GRIP1: variants seen among roughly 807,000 people sequenced by gnomAD.
GRIP1 encodes glutamate receptor-interacting protein 1.
Under a neutral mutation model 129.9 loss-of-function variants are expected in GRIP1, and 45 were observed. The observed-to-expected ratio is 0.35, with a 90% CI of 0.27 to 0.44. GRIP1 has a LOEUF of 0.44. Among genes scored for constraint, GRIP1 ranks in the 20% least tolerant of loss-of-function variants. The pLI is 1.00. For missense variants in GRIP1, 1,196 were observed against 1,396.8 expected, an observed-to-expected ratio of 0.86 and a Z score of 2.29; for synonymous variants, 530 against 520.8, an observed-to-expected ratio of 1.02 and a Z score of -0.24.
rs757132065 is a variant in GRIP1, at chr12:66,349,048, C to T, written c.3358G>A (p.Glu1120Lys). Reference sequence around the variant, plus strand: ...AATGTATTAGTGGGTTCTCGTGTCTCCAAATTACCACCGTGGCTAGGCTGC... The same window carrying T: ...AATGTATTAGTGGGTTCTCGTGTCTTCAAATTACCACCGTGGCTAGGCTGC... ...FQQPSHGGNL[E>K]TREPTNTL Residue 1120 changes from glutamate to lysine, a missense_variant, in exon 25 of 25, where the codon GAG becomes AAG. Around this residue, in one of 5 missense-constraint regions of GRIP1, gnomAD observed 427 missense variants for 463.3 expected, o/e 0.92. Coordinates refer to ENST00000359742, the MANE Select transcript of GRIP1 (RefSeq NM_001366722.1). The T allele has an allele frequency of 6.2e-6, 10 of 1,613,708 alleles. No homozygotes were observed. In the South Asian group the frequency reaches 1.1e-4, roughly 18 times the overall value.
intron 1 of GRIP1, among the ~76,000 whole-genome samples, chr12:66,704,243 A>C (rs1381566564): frequency 6.6e-6 from 1 of 152,134 alleles, no homozygotes; most frequent in Non-Finnish European, 1.5e-5. Flanking sequence ...TTAGGTGAAC[A>C]TATCATCTTT....
At chr12:66,858,597 C>G (rs2040047459) in intron 1 of GRIP1, among the ~76,000 whole-genome samples, 1 of 151,824 alleles carries the variant, frequency 6.6e-6, no homozygotes, top group Non-Finnish European at 1.5e-5. Flanking sequence ...AAGGGTAAAA[C>G]TTTAAGTGGT....
intron 1 of GRIP1, among the ~76,000 whole-genome samples, chr12:66,793,842 G>T (rs1026945226): frequency 5.3e-5 from 8 of 152,120 alleles, no homozygotes; most frequent in Non-Finnish European, 1.2e-4. Flanking sequence ...GTAACATTGA[G>T]AAAATTAAGC....
chr12:67,056,972 G>A (rs1472051093), intron 1 of GRIP1, among the ~76,000 whole-genome samples: 1 of 151,982 alleles, frequency 6.6e-6, no homozygotes, highest in Non-Finnish European at 1.5e-5. Flanking sequence ...CACCACGCCT[G>A]GCTAATTTTT....
At chr12:66,709,667 A>C (rs1427961401) in intron 1 of GRIP1, among the ~76,000 whole-genome samples, 5 of 151,930 alleles carry the variant, frequency 3.3e-5, no homozygotes, top group Admixed American at 6.6e-5. Context: ...ACAAGACAAC[A>C]CATGTGCCTT....
chr12:67,037,358 A>ATAATAATAATAATAATAC (rs1450620517), intron 1 of GRIP1: 3 of 148,652 alleles, frequency 2.0e-5, no homozygotes, highest in South Asian at 2.1e-4. Context: ...AATAATAATA[A>ATAATAATAATAATAATAC]TACTTAAATA....
At chr12:66,521,044 G>A (rs2060986189) in intron 5 of GRIP1, among the ~76,000 whole-genome samples, 1 of 152,130 alleles carries the variant, frequency 6.6e-6, no homozygotes, top group Non-Finnish European at 1.5e-5. Context: ...GGGCTCTGTT[G>A]CTCCACCTAA....
At chr12:66,825,227 G>C (rs2039388672) in intron 1 of GRIP1, among the ~76,000 whole-genome samples, 1 of 152,212 alleles carries the variant, frequency 6.6e-6, no homozygotes, top group Admixed American at 6.5e-5. Flanking sequence ...AAATTTTAAA[G>C]TAGTTAGTTT....
chr12:66,926,801 C>T lies in GRIP1; in HGVS notation c.58+142249G>A, dbSNP rs114106493. On this transcript the variant is annotated intron_variant, in intron 1 of 1. Transcript: ENST00000643019. ...CACATTTCACTAGGCCACATTTTTC[C>T]ACTAGAAATATAACTCTATTAAAAT... Among the ~76,000 whole-genome samples, 204 of 152,278 alleles carry T rather than the reference C, an allele frequency of 1.3e-3. 1 individual carries two copies. Among genetic ancestry groups the T allele is most frequent in the African/African-American group, 4.5e-3 (189 of 41,554 alleles).
At chr12:66,845,837 A>G (rs2039804395) in intron 1 of GRIP1, among the ~76,000 whole-genome samples, 1 of 152,166 alleles carries the variant, frequency 6.6e-6, no homozygotes, top group South Asian at 2.1e-4. Context: ...AATGAAGTGC[A>G]CAAAGGACTA....
At chr12:66,408,376 G>A (rs2057271748) in intron 15 of GRIP1, among the ~76,000 whole-genome samples, 1 of 152,212 alleles carries the variant, frequency 6.6e-6, no homozygotes, top group South Asian at 2.1e-4. Context: ...CTATTCGGGA[G>A]GCTGAGGCAG....
intron 1 of GRIP1, among the ~76,000 whole-genome samples, chr12:66,985,822 C>A (rs1041938532): frequency 6.6e-6 from 1 of 152,142 alleles, no homozygotes; most frequent in Admixed American, 6.5e-5. Flanking sequence ...GTTTGTAGAT[C>A]CTTCACTGAG....
intron 2 of GRIP1, among the ~76,000 whole-genome samples, chr12:66,552,259 T>C (rs1488315166): frequency 6.6e-6 from 1 of 152,122 alleles, no homozygotes; most frequent in Non-Finnish European, 1.5e-5. Context: ...CAGGGCAAAG[T>C]AGAACTTAGA....
At chr12:66,613,437 C>G (rs1778452405) in intron 1 of GRIP1, among the ~76,000 whole-genome samples, 1 of 152,084 alleles carries the variant, frequency 6.6e-6, no homozygotes, top group African/African-American at 2.4e-5. Context: ...AGAAAGGTTC[C>G]TGTATGTTAC....
upstream of GRIP1, among the ~76,000 whole-genome samples, chr12:66,807,737 T>A (rs1376763436): frequency 6.6e-6 from 1 of 152,028 alleles, no homozygotes; most frequent in Non-Finnish European, 1.5e-5. Context: ...CCCTTTGCCT[T>A]TCACCATGAC....
intron 1 of GRIP1, among the ~76,000 whole-genome samples, chr12:66,711,142 C>T (rs1177174416): frequency 1.3e-5 from 2 of 151,852 alleles, no homozygotes; most frequent in Admixed American, 1.3e-4. Flanking sequence ...TTAGAGCTTG[C>T]TTGCTCAGAT....
chr12:66,444,058 T>A (rs563850807), intron 13 of GRIP1, among the ~76,000 whole-genome samples: 1 of 152,246 alleles, frequency 6.6e-6, no homozygotes, highest in Non-Finnish European at 1.5e-5. Context: ...CCTCTATAGT[T>A]GTGGCTATTA....
At position 66,483,517 on chromosome 12, in the gene GRIP1, C is replaced by T. The variant is rs146933390; in HGVS notation, c.725-18095G>A. On this transcript the variant is annotated intron_variant, in intron 7 of 24. Coordinates refer to ENST00000359742, the MANE Select transcript of GRIP1 (RefSeq NM_001366722.1). The stretch of plus-strand genomic sequence containing the variant: ...GTGAAACTCGATAATACTTCCCATG[C>T]TAACTTGAGTTTGGATAAAGCATGT... Among the ~76,000 whole-genome samples the T allele has an allele frequency of 2.5e-3, 378 of 152,284 alleles. 2 individuals carry two copies. Among genetic ancestry groups the T allele is most frequent in the Non-Finnish European group, 4.2e-3 (284 of 68,024 alleles).
chr12:66,953,496 G>A (rs565342603), intron 1 of GRIP1, among the ~76,000 whole-genome samples: 7 of 152,262 alleles, frequency 4.6e-5, no homozygotes, highest in East Asian at 3.9e-4. Context: ...TTAGAGAGGC[G>A]TGTTGTTTTT....
Sources: allele counts gnomAD v4.1 joint callset (sites outside exome capture counted in the v4.1 genomes callset), GRCh38; gene constraint gnomAD v4.1.1; regional missense constraint gnomAD v4.1.1; transcripts MANE v1.5; gene names NCBI Gene and HGNC (gene_info 2026-07-23, HGNC 2026-07-21).